Variants in PLEK2 observed in about 807,000 individuals in gnomAD.
PLEK2 encodes the protein pleckstrin-2.
A neutral mutation model predicts 43.8 loss-of-function variants in PLEK2; 29 were observed. The observed-to-expected ratio is 0.66, with a 90% confidence interval of 0.49 to 0.90. The LOEUF is 0.90. PLEK2 is among the 40% of genes least tolerant of loss of function. The pLI, the probability that PLEK2 is intolerant of heterozygous loss-of-function variation, is 0.00. For synonymous variants in PLEK2, 162 were observed against 173.2 expected, an observed-to-expected ratio of 0.94 and a Z score of 0.51; for missense variants, 398 against 448.1, an observed-to-expected ratio of 0.89 and a Z score of 1.01.
At chr14:67,401,488 G>A (rs1413549220) in intron 1 of PLEK2, among the ~76,000 whole-genome samples, 1 of 151,986 alleles carries the variant, frequency 6.6e-6, no homozygotes, top group Non-Finnish European at 1.5e-5. Context: ...CTGCAGCCTG[G>A]GCAACAGAGT....
chr14:67,392,854 C>A lies in PLEK2; in HGVS notation c.482-5G>T. 1 of 1,605,858 alleles carries A rather than the reference C, an allele frequency of 6.2e-7. No individual in the cohort carries two copies. The highest frequency in any genetic ancestry group is 1.3e-5 in the African/African-American group (1 of 74,914). On this transcript the variant is annotated splice_region_variant and splice_polypyrimidine_tract_variant and intron_variant, in intron 4 of 8. Transcript: ENST00000216446. ...GCCAGTCCACCAGGGAGGAGCCTGG[C>A]CAAGGGCAGCACCAGTCAGGCGATG...
At chr14:67,409,270 G>T (rs2086101096) in intron 1 of PLEK2, among the ~76,000 whole-genome samples, 1 of 150,918 alleles carries the variant, frequency 6.6e-6, no homozygotes, top group Admixed American at 6.6e-5. Context: ...ACAGGGGGGT[G>T]TGGTGACTCA....
chr14:67,393,007 C>A, intron 4 of PLEK2, 143 bp downstream of exon 4: 1 of 874,454 alleles, frequency 1.1e-6, no homozygotes, highest in Non-Finnish European at 1.9e-6. Flanking sequence ...CGTGGCTGCA[C>A]ACCCACACAT....
At position 67,387,159 on chromosome 14, in the gene PLEK2, G is replaced by A; in HGVS notation, c.*170C>T. 1 of 568,814 alleles carries A rather than the reference G, an allele frequency of 1.8e-6. No individual in the cohort carries two copies. The highest frequency in any genetic ancestry group is 2.9e-6 in the Non-Finnish European group (1 of 340,264). 35.2% of individuals were successfully genotyped at this position (568,814 alleles called of 1,614,324 possible). Reference sequence around the variant, plus strand: ...AGGTTTGTAACATGAAGATGGGGAAGGAAATGGCACCACTGCTGTTTGTAA... The same window carrying A: ...AGGTTTGTAACATGAAGATGGGGAAAGAAATGGCACCACTGCTGTTTGTAA... On this transcript the variant is annotated 3_prime_UTR_variant, in exon 9 of 9. Transcript: ENST00000216446.
At chr14:67,410,963 T>G (rs1296378677) in intron 1 of PLEK2, among the ~76,000 whole-genome samples, 1 of 151,902 alleles carries the variant, frequency 6.6e-6, no homozygotes, top group Non-Finnish European at 1.5e-5. Flanking sequence ...CTGGGAAACA[T>G]GGCGAAACCC....
intron 3 of PLEK2, 81 bp downstream of exon 3, chr14:67,395,321 C>T: frequency 1.6e-6 from 2 of 1,242,252 alleles, no homozygotes; most frequent in African/African-American, 1.5e-5. Context: ...AAGCACAGAG[C>T]CCCCCCAAGG....
rs377373834 is a variant in PLEK2 at position 67,395,516 on chromosome 14, C to T, written c.275G>A (p.Arg92Gln). ...YFLEACSREE[R>Q]DAWAFEITGA... ...GGTGATCTCAAAGGCCCAGGCATCC[C>T]GCTCCTCTCGAGAACAGGCCTCCAG... Residue 92 changes from arginine (R) to glutamine (Q), a missense_variant, in exon 3 of 9, where the codon CGG (arginine) becomes CAG (glutamine). Transcript: ENST00000216446. The T allele has an allele frequency of 6.8e-6, 11 of 1,613,958 alleles. No homozygotes were observed. The East Asian group carries it at 8.9e-5, about 13-fold the overall frequency.
At position 67,388,236 on chromosome 14, in the gene PLEK2, C is replaced by T. The variant is rs1296519008; in HGVS notation, c.922G>A (p.Gly308Ser). The T allele has an allele frequency of 6.2e-7, 1 of 1,612,236 alleles. No individual in the cohort carries two copies. Among genetic ancestry groups the T allele is most frequent in the Admixed American group, 1.7e-5 (1 of 60,000 alleles). Residue 308 changes from glycine (G) to serine (S), a missense_variant, in exon 8 of 9, where the codon GGC becomes AGC. By Grantham distance (56) the Gly-to-Ser change is moderately conservative. Transcript: ENST00000216446. ...AGTTGTACCTTACCAGTGGGAACGCCATTATCTTCCAGAGCAGACACGAGT... is the reference window on the plus strand; with the variant it reads ...AGTTGTACCTTACCAGTGGGAACGCTATTATCTTCCAGAGCAGACACGAGT... The part of the protein sequence containing the change: ...GSLVSALEDN[G>S]VPTGVKGNVQ...
intron 1 of PLEK2, among the ~76,000 whole-genome samples, chr14:67,401,957 C>G (rs2086051103): frequency 1.3e-5 from 2 of 152,096 alleles, no homozygotes; most frequent in African/African-American, 4.8e-5. Flanking sequence ...ATGGTGAAAC[C>G]CTGTCTCTGC....
chr14:67,389,608 A>G (rs1350256313), intron 7 of PLEK2, among the ~76,000 whole-genome samples: 51 of 152,076 alleles, frequency 3.4e-4, no homozygotes, highest in Admixed American at 3.3e-3. Flanking sequence ...GTATATTTAC[A>G]TGTATATGTA....
intron 4 of PLEK2, 38 bp downstream of exon 4, chr14:67,393,112 G>A (rs1372578863): frequency 1.4e-6 from 2 of 1,466,630 alleles, no homozygotes; most frequent in Non-Finnish European, 1.9e-6. Context: ...CCATGTCCCA[G>A]CTTGACTGCC....
chr14:67,395,583 G>A lies in PLEK2; in HGVS notation c.208C>T (p.Leu70Phe). 10 of 1,613,954 alleles carry A rather than the reference G, an allele frequency of 6.2e-6. No individual in the cohort carries two copies. Among genetic ancestry groups the A allele is most frequent in the Non-Finnish European group, 8.5e-6 (10 of 1,179,860 alleles). The change falls in exon 3 of 9, where the codon CTC (leucine) becomes TTC (phenylalanine). Residue 70 changes from leucine to phenylalanine, a missense_variant and splice_region_variant. Transcript: ENST00000216446. ...CPCLEYENRP[L>F]LIKLKTQTST... ...GTTTGAGTCTTCAGCTTAATGAGGAGCTGTGGGAAGAGAGAGCCAGTCAGG... is the reference window on the plus strand; with the variant it reads ...GTTTGAGTCTTCAGCTTAATGAGGAACTGTGGGAAGAGAGAGCCAGTCAGG...
chr14:67,407,782 G>T (rs2086088971), intron 1 of PLEK2, among the ~76,000 whole-genome samples: 1 of 152,096 alleles, frequency 6.6e-6, no homozygotes, highest in Non-Finnish European at 1.5e-5. Context: ...GGCACAGAAA[G>T]GTCTTGCCCA....
In PLEK2 at chr14:67,411,136, C is replaced by CAA. The variant is rs925514488; in HGVS notation, c.42+880_42+881dup. On this transcript the variant is annotated intron_variant, in intron 1 of 8. Coordinates refer to ENST00000216446, the MANE Select transcript of PLEK2 (RefSeq NM_016445.3). ...CACTCCAGCCTGGGTGACCCTGTCT[C>CAA]AAAAAAAAAAAAAAAAAAAAAAGGT... Among the ~76,000 whole-genome samples the CAA allele has an allele frequency of 3.2e-3, 164 of 51,574 alleles. 1 individual carries two copies. Among genetic ancestry groups the CAA allele is most frequent in the African/African-American group, 7.5e-3 (104 of 13,896 alleles). The allele number at this position is 51,574 out of a possible 152,430, so 33.8% of individuals were successfully genotyped here.
intron 1 of PLEK2, among the ~76,000 whole-genome samples, chr14:67,407,783 G>T (rs149283921): frequency 0.012 from 1,825 of 152,206 alleles, 18 homozygotes; most frequent in Non-Finnish European, 0.018. Context: ...GCACAGAAAG[G>T]TCTTGCCCAA....
At chr14:67,389,766 GTTT>G (rs965138099) in intron 7 of PLEK2, among the ~76,000 whole-genome samples, 1 of 144,564 alleles carries the variant, frequency 6.9e-6, no homozygotes, top group Non-Finnish European at 1.5e-5. Context: ...AAACTAAAGT[GTTT>G]TTTTTCTTTT....
chr14:67,402,008 G>A (rs1595659530), intron 1 of PLEK2, among the ~76,000 whole-genome samples: 1 of 152,276 alleles, frequency 6.6e-6, no homozygotes, highest in African/African-American at 2.4e-5. Context: ...GCACATGCCT[G>A]TAATCCCAGC....
At chr14:67,410,077 C>T (rs922577620) in intron 1 of PLEK2, among the ~76,000 whole-genome samples, 4 of 152,046 alleles carry the variant, frequency 2.6e-5, no homozygotes, top group Admixed American at 1.3e-4. Context: ...CTTACGGGGA[C>T]CAGATCTGTT....
At chr14:67,393,924 G>A (rs1048792451) in intron 3 of PLEK2, among the ~76,000 whole-genome samples, 5 of 152,150 alleles carry the variant, frequency 3.3e-5, no homozygotes, top group Non-Finnish European at 7.3e-5. Context: ...GATATTTTCT[G>A]GAAGACAAGT....
Sources: allele counts gnomAD v4.1 joint callset (sites outside exome capture counted in the v4.1 genomes callset), GRCh38; gene constraint gnomAD v4.1.1; transcripts MANE v1.5; gene names NCBI Gene and HGNC (gene_info 2026-07-23, HGNC 2026-07-21).